KCNB2: variants seen among roughly 807,000 people sequenced by gnomAD.
KCNB2 encodes delayed rectifier potassium channel protein.
A neutral mutation model predicts 61.5 loss-of-function variants in KCNB2; 15 were observed. The ratio of observed to expected loss-of-function variants is 0.24; its 90% CI spans 0.16 to 0.38. KCNB2 has a LOEUF of 0.38. KCNB2 is among the 10% of genes least tolerant of loss of function. KCNB2 has a pLI of 1.00. For missense variants in KCNB2, 828 were observed against 1,125.2 expected, an observed-to-expected ratio of 0.74 and a Z score of 3.78; for synonymous variants, 457 against 446.0, an observed-to-expected ratio of 1.02 and a Z score of -0.31.
intron 2 of KCNB2, among the ~76,000 whole-genome samples, chr8:72,772,704 T>C (rs1486947043): frequency 6.6e-6 from 1 of 152,216 alleles, no homozygotes; most frequent in African/African-American, 2.4e-5. Flanking sequence ...GTGTTTTCCC[T>C]GAAACAGTTA....
intron 2 of KCNB2, among the ~76,000 whole-genome samples, chr8:72,608,762 A>T (rs1232696615): frequency 1.3e-5 from 2 of 152,180 alleles, no homozygotes; most frequent in Non-Finnish European, 2.9e-5. Context: ...ACATCAGTTC[A>T]GCCACATTTA....
intron 2 of KCNB2, among the ~76,000 whole-genome samples, chr8:72,658,064 G>A (rs993877547): frequency 1.3e-5 from 2 of 152,122 alleles, no homozygotes; most frequent in East Asian, 1.9e-4. Context: ...CAAGTGAAGG[G>A]AAGAGTCACT....
intron 2 of KCNB2, among the ~76,000 whole-genome samples, chr8:72,911,550 A>G (rs1806292957): frequency 6.6e-6 from 1 of 152,232 alleles, no homozygotes; most frequent in Non-Finnish European, 1.5e-5. Context: ...TGATCAAACT[A>G]GAGCCAGGTC....
In KCNB2 at chr8:72,938,217, G is replaced by A. The variant is rs1806973062; in HGVS notation, c.*126G>A. 2 of 706,608 alleles carry A rather than the reference G, an allele frequency of 2.8e-6. No homozygotes were observed. Among genetic ancestry groups the A allele is most frequent in the Non-Finnish European group, 4.8e-6 (2 of 416,728 alleles). The allele number at this position is 706,608 out of a possible 1,614,324, so 43.8% of individuals were successfully genotyped here. ...CCTCCCCAAAAAAAGTGCATAAAAT[G>A]TTATTTTTGCATGGCATGAACAGTT... On this transcript the variant is annotated 3_prime_UTR_variant, in exon 3 of 3. Transcript: ENST00000523207.
At chr8:72,894,430 G>C (rs542027651) in intron 2 of KCNB2, among the ~76,000 whole-genome samples, 1 of 152,316 alleles carries the variant, frequency 6.6e-6, no homozygotes, top group South Asian at 2.1e-4. Flanking sequence ...AGGGTTTTAA[G>C]ATGAGGGATG....
chr8:72,894,024 C>G (rs564529542), intron 2 of KCNB2, among the ~76,000 whole-genome samples: 2 of 152,190 alleles, frequency 1.3e-5, no homozygotes, highest in African/African-American at 2.4e-5. Context: ...TTTCTTTGCT[C>G]TTTTGGAGCA....
intron 2 of KCNB2, among the ~76,000 whole-genome samples, chr8:72,921,256 T>A (rs956393446): frequency 5.9e-5 from 9 of 152,182 alleles, no homozygotes; most frequent in African/African-American, 2.2e-4. Flanking sequence ...TTTCTTATGT[T>A]TTCTATTCTA....
intron 2 of KCNB2, among the ~76,000 whole-genome samples, chr8:72,816,319 AG>A (rs1487965677): frequency 6.6e-6 from 1 of 152,206 alleles, no homozygotes; most frequent in Non-Finnish European, 1.5e-5. Context: ...TGCATCAGCC[AG>A]GTTTTATTTT....
intron 2 of KCNB2, among the ~76,000 whole-genome samples, chr8:72,585,433 T>C (rs1163493287): frequency 6.6e-6 from 1 of 152,254 alleles, no homozygotes; most frequent in Non-Finnish European, 1.5e-5. Flanking sequence ...TTTTATTTTC[T>C]TGTTTTATCT....
rs369089166 is a variant in KCNB2 at position 72,817,216 on chromosome 8, G to C, written c.580-118719G>C. ...TATCAATGGTTTTACATTTCTGAAA[G>C]AGGAAATTGTGATTCACAGGGCAAA... On this transcript the variant is annotated intron_variant, in intron 2 of 2. Coordinates refer to ENST00000523207, the MANE Select transcript of KCNB2 (RefSeq NM_004770.3). Among the ~76,000 whole-genome samples, 33 of 152,228 alleles carry C rather than the reference G, an allele frequency of 2.2e-4. 1 individual carries two copies. The highest frequency in any genetic ancestry group is 7.0e-4 in the African/African-American group (29 of 41,536).
chr8:72,797,594 T>C (rs1359436839), intron 2 of KCNB2, among the ~76,000 whole-genome samples: 1 of 152,202 alleles, frequency 6.6e-6, no homozygotes, highest in Non-Finnish European at 1.5e-5. Flanking sequence ...CTTAATAAAG[T>C]GAAATGAAGT....
intron 2 of KCNB2, among the ~76,000 whole-genome samples, chr8:72,633,525 G>C (rs1204070382): frequency 6.6e-6 from 1 of 152,096 alleles, no homozygotes; most frequent in African/African-American, 2.4e-5. Flanking sequence ...GGGCCATTCT[G>C]CCTGGCACGC....
chr8:72,688,880 C>T (rs1403671540), intron 2 of KCNB2, among the ~76,000 whole-genome samples: 1 of 152,140 alleles, frequency 6.6e-6, no homozygotes, highest in Non-Finnish European at 1.5e-5. Flanking sequence ...GGGCACACCA[C>T]CACAGCTGGC....
chr8:72,873,867 T>A lies in KCNB2; in HGVS notation c.580-62068T>A, dbSNP rs9694771. Among the ~76,000 whole-genome samples, 1,176 of 152,364 alleles carry A rather than the reference T, an allele frequency of 7.7e-3. 14 individuals carry two copies. Among genetic ancestry groups the A allele is most frequent in the African/African-American group, 0.027 (1,114 of 41,578 alleles). ...CGCAGCAAGCAGCAGCATCCACCTA[T>A]TAGCCCATTTACCTTTAGGTGAACA... is the stretch of plus-strand genomic sequence containing the variant. On this transcript the variant is annotated intron_variant, in intron 2 of 2. Transcript: ENST00000523207.
intron 2 of KCNB2, chr8:72,750,463 C>G (rs1808170533): frequency 6.6e-6 from 1 of 152,208 alleles, no homozygotes; most frequent in Non-Finnish European, 1.5e-5. Context: ...TCTCCTTCAT[C>G]AGCAATGTAT....
intron 2 of KCNB2, among the ~76,000 whole-genome samples, chr8:72,932,760 A>G (rs540255413): frequency 6.6e-6 from 1 of 152,268 alleles, no homozygotes; most frequent in East Asian, 1.9e-4. Flanking sequence ...GTGCCATAAG[A>G]GCTTGCTATA....
chr8:72,741,497 A>C (rs1270219744), intron 2 of KCNB2, among the ~76,000 whole-genome samples: 1 of 152,130 alleles, frequency 6.6e-6, no homozygotes, highest in Non-Finnish European at 1.5e-5. Flanking sequence ...TGTTATTTCT[A>C]AGATTTTGGT....
At chr8:72,624,077 T>A (rs1008601687) in intron 2 of KCNB2, among the ~76,000 whole-genome samples, 3 of 152,230 alleles carry the variant, frequency 2.0e-5, no homozygotes, top group Non-Finnish European at 4.4e-5. Context: ...CCATGCCTCC[T>A]CCTCATTTCT....
At chr8:72,854,594 T>A (rs78378476) in intron 2 of KCNB2, among the ~76,000 whole-genome samples, 1 of 152,120 alleles carries the variant, frequency 6.6e-6, no homozygotes, top group South Asian at 2.1e-4. Context: ...GTGTAGATAA[T>A]GAGACTGACT....
Sources: allele counts gnomAD v4.1 joint callset (sites outside exome capture counted in the v4.1 genomes callset), GRCh38; gene constraint gnomAD v4.1.1; transcripts MANE v1.5; gene names NCBI Gene and HGNC (gene_info 2026-07-23, HGNC 2026-07-21).